Variants in CCDC191 observed in about 807,000 individuals in gnomAD.
The protein encoded by CCDC191 is coiled-coil domain containing 191.
In CCDC191, 99 loss-of-function variants were observed where a neutral mutation model predicts 114.0. That is an observed-to-expected ratio of 0.87 (90% CI 0.74 to 1.03). CCDC191 has a LOEUF of 1.03. Among genes scored for constraint, CCDC191 ranks in the 50% least tolerant of loss-of-function variants. The pLI is 0.00. For synonymous variants in CCDC191, 351 were observed against 376.0 expected, an observed-to-expected ratio of 0.93 and a Z score of 0.77; for missense variants, 973 against 1,087.0, an observed-to-expected ratio of 0.90 and a Z score of 1.47.
intron 7 of CCDC191, among the ~76,000 whole-genome samples, chr3:114,025,688 C>T (rs921418892): frequency 7.9e-5 from 12 of 152,116 alleles, no homozygotes; most frequent in African/African-American, 2.7e-4. Flanking sequence ...CATGAGTTCT[C>T]GTGACCTCAA....
intron 3 of CCDC191, 100 bp from the exon 4 acceptor site, chr3:114,042,946 C>A: frequency 8.9e-7 from 1 of 1,122,024 alleles, no homozygotes; most frequent in Non-Finnish European, 1.3e-6. Flanking sequence ...GAGTACCTAT[C>A]GTGTCAAGTA....
At chr3:113,977,952 G>A (rs1158436706) in intron 16 of CCDC191, among the ~76,000 whole-genome samples, 5 of 152,012 alleles carry the variant, frequency 3.3e-5, no homozygotes, top group South Asian at 4.2e-4. Flanking sequence ...GGCAGTTTCC[G>A]TGAGGTAGAA....
intron 7 of CCDC191, among the ~76,000 whole-genome samples, chr3:114,030,047 G>A (rs377710730): frequency 2.4e-4 from 36 of 152,266 alleles, no homozygotes; most frequent in African/African-American, 8.4e-4. Flanking sequence ...TAATGGCAGT[G>A]TACCAATGCT....
At chr3:114,038,890 A>AG (rs1559928927) in intron 4 of CCDC191, among the ~76,000 whole-genome samples, 1 of 152,138 alleles carries the variant, frequency 6.6e-6, no homozygotes, top group Admixed American at 6.5e-5. Context: ...CATGGGTGGC[A>AG]GGGGGAGGAA....
chr3:113,978,820 A>G (rs751061374), intron 15 of CCDC191, 38 bp downstream of exon 15: 2 of 1,586,778 alleles, frequency 1.3e-6, no homozygotes, highest in Admixed American at 1.8e-5. Context: ...GAATTGAGCA[A>G]TGAGATGTAT....
Position 114,010,757 on chromosome 3 carries a change from G to A in CCDC191, c.1413+15C>T, listed in dbSNP as rs1299245906. ...CTCAAATGCAAGTGTTTACTAAGCA[G>A]GAAAAACAACGTACCTGTCCATTTT... On this transcript the variant is annotated intron_variant, in intron 9 of 16. Coordinates refer to ENST00000295878, the MANE Select transcript of CCDC191 (RefSeq NM_020817.2). 6.3e-7 allele frequency: 1 copy of A among 1,588,948 alleles called. No homozygotes were observed. The highest frequency in any genetic ancestry group is 1.4e-5 in the African/African-American group (1 of 74,022).
intron 7 of CCDC191, among the ~76,000 whole-genome samples, chr3:114,026,561 T>C (rs1000977668): frequency 6.6e-6 from 1 of 152,236 alleles, no homozygotes; most frequent in Non-Finnish European, 1.5e-5. Context: ...TTGCTATGTG[T>C]CAGCTCAGAA....
At chr3:114,054,967 C>A (rs181607741) in intron 1 of CCDC191, among the ~76,000 whole-genome samples, 4 of 151,804 alleles carry the variant, frequency 2.6e-5, no homozygotes, top group Non-Finnish European at 4.4e-5. Context: ...TTGGCGTTCC[C>A]AGTTCATGAA....
At chr3:114,034,805 G>GT in intron 6 of CCDC191, 120 bp downstream of exon 6, 1 of 800,850 alleles carries the variant, frequency 1.2e-6, no homozygotes, top group Non-Finnish European at 2.0e-6. Context: ...TGGTGGAATA[G>GT]TGAGTGATTT....
Position 114,004,685 on chromosome 3 carries a change from G to T in CCDC191, c.1930C>A (p.Leu644Ile). Reference sequence around the variant, plus strand: ...ATCAATTGCTTTGGTTTCCTTCTGAGTCCAGAAAGAGAATTTCGGGAGTCA... The same window carrying T: ...ATCAATTGCTTTGGTTTCCTTCTGATTCCAGAAAGAGAATTTCGGGAGTCA... ...RSDSRNSLSG[L>I]RRKPKQLMTP... The change falls in exon 11 of 17, where the codon CTC becomes ATC. Residue 644 changes from leucine to isoleucine, a missense_variant. By Grantham distance (5) the Leu-to-Ile change is conservative. Coordinates refer to ENST00000295878, the MANE Select transcript of CCDC191 (RefSeq NM_020817.2). 6.2e-7 allele frequency: 1 copy of T among 1,612,630 alleles called. No homozygotes were observed. The highest frequency in any genetic ancestry group is 8.5e-7 in the Non-Finnish European group (1 of 1,179,328).
intron 3 of CCDC191, among the ~76,000 whole-genome samples, chr3:114,044,367 C>T (rs180795815): frequency 9.7e-4 from 147 of 152,282 alleles, no homozygotes; most frequent in Non-Finnish European, 1.9e-3. Flanking sequence ...AAGAAAATTT[C>T]CTGAAATTAT....
intron 13 of CCDC191, among the ~76,000 whole-genome samples, chr3:113,982,570 TC>T (rs2075196291): frequency 6.6e-6 from 1 of 152,088 alleles, no homozygotes; most frequent in African/African-American, 2.4e-5. Flanking sequence ...TGGGCTTCTT[TC>T]TGAAATAAAT....
chr3:114,055,487 T>C (rs1469887667), intron 1 of CCDC191, among the ~76,000 whole-genome samples: 1 of 152,226 alleles, frequency 6.6e-6, no homozygotes, highest in African/African-American at 2.4e-5. Context: ...CCAATGCATT[T>C]AGCTGGTAAA....
intron 6 of CCDC191, among the ~76,000 whole-genome samples, chr3:114,032,706 T>C (rs537211705): frequency 6.6e-6 from 1 of 152,296 alleles, no homozygotes; most frequent in African/African-American, 2.4e-5. Context: ...AGTGTTATGT[T>C]GTATTATTGG....
chr3:113,971,460 G>T (rs1300819828), intron 16 of CCDC191, among the ~76,000 whole-genome samples: 1 of 152,168 alleles, frequency 6.6e-6, no homozygotes, highest in Non-Finnish European at 1.5e-5. Context: ...TCTTGGTTCT[G>T]TTAATGTGAT....
At chr3:114,047,067 A>G (rs2076640111) in intron 2 of CCDC191, 1 of 959,308 alleles carries the variant, frequency 1.0e-6, no homozygotes, top group South Asian at 4.8e-5. Flanking sequence ...AATAAAAAAT[A>G]TTATATTTTA....
chr3:113,970,823 G>A (rs1940733601), intron 16 of CCDC191, among the ~76,000 whole-genome samples: 1 of 152,044 alleles, frequency 6.6e-6, no homozygotes, highest in East Asian at 1.9e-4. Flanking sequence ...CGGTGTTTGG[G>A]TTTTTGTCCT....
chr3:113,971,547 GTTC>G (rs1339404373), intron 16 of CCDC191, among the ~76,000 whole-genome samples: 1 of 152,170 alleles, frequency 6.6e-6, no homozygotes, highest in East Asian at 1.9e-4. Context: ...CATGGTGAAT[GTTC>G]TTTTCAACGT....
intron 9 of CCDC191, among the ~76,000 whole-genome samples, chr3:114,008,594 T>C (rs770169843): frequency 1.6e-4 from 24 of 152,040 alleles, no homozygotes; most frequent in Admixed American, 6.6e-5. Context: ...GCCGACAGGA[T>C]TGACTTTATA....
Sources: gnomAD v4.1 joint callset for allele counts (sites outside exome capture counted in the v4.1 genomes callset) on GRCh38, gnomAD v4.1.1 for gene constraint, MANE v1.5 for transcripts, NCBI Gene and HGNC (gene_info 2026-07-23, HGNC 2026-07-21) for gene names.